Variants in CDH20 observed in about 807,000 individuals in gnomAD.
The protein encoded by CDH20 is cadherin-20.
A neutral mutation model predicts 74.2 loss-of-function variants in CDH20; 29 were observed. That is an observed-to-expected ratio of 0.39 (90% CI 0.29 to 0.53). The LOEUF (loss-of-function observed/expected upper bound fraction) is 0.53. Ranked by LOEUF, CDH20 falls within the 20% of genes least tolerant of loss-of-function variation. The probability of loss-of-function intolerance (pLI) is 0.69; values close to 1 mark genes in which losing one functional copy is unlikely to be tolerated. For missense variants in CDH20, 988 were observed against 1,048.3 expected, an observed-to-expected ratio of 0.94 and a Z score of 0.79; for synonymous variants, 469 against 405.4, an observed-to-expected ratio of 1.16 and a Z score of -1.88.
chr18:61,425,861 A>T (rs952289416), intron 1 of CDH20, among the ~76,000 whole-genome samples: 1 of 152,238 alleles, frequency 6.6e-6, no homozygotes, highest in Non-Finnish European at 1.5e-5. Context: ...TACATTTTTT[A>T]AAAAATAAAT....
rs138855566 is a variant in CDH20, at chr18:61,525,588, C to A, written c.1018-2379C>A. On this transcript the variant is annotated intron_variant, in intron 6 of 11. Transcript: ENST00000262717. ...AGGCAGGCTGGCTGGTGGAGATGGG[C>A]GTCTGGGTTTGAATGGGGCTTCTTG... 6.5e-3 allele frequency among the ~76,000 whole-genome samples: 983 copies of A among 152,120 alleles called. 18 individuals carry two copies. The highest frequency in any genetic ancestry group is 0.022 in the African/African-American group (926 of 41,500).
chr18:61,346,169 A>G (rs1238690103), intron 1 of CDH20, among the ~76,000 whole-genome samples: 1 of 152,234 alleles, frequency 6.6e-6, no homozygotes, highest in Admixed American at 6.5e-5. Flanking sequence ...GAAAAGAAAA[A>G]GAATGACCAC....
At chr18:61,499,138 G>C (rs1911270654) in intron 2 of CDH20, 48 bp from the exon 3 acceptor site, 1 of 1,403,906 alleles carries the variant, frequency 7.1e-7, no homozygotes, top group Non-Finnish European at 9.6e-7. Flanking sequence ...TGTGTTTTCT[G>C]ACACCTGTTG....
intron 6 of CDH20, among the ~76,000 whole-genome samples, chr18:61,526,307 T>C (rs1362148357): frequency 6.6e-6 from 1 of 151,606 alleles, no homozygotes; most frequent in Non-Finnish European, 1.5e-5. Flanking sequence ...TTTTGTATTT[T>C]TAGTAGAGAC....
chr18:61,381,453 A>G (rs1352466458), intron 1 of CDH20, among the ~76,000 whole-genome samples: 1 of 152,192 alleles, frequency 6.6e-6, no homozygotes, highest in African/African-American at 2.4e-5. Flanking sequence ...TTCTTACAAA[A>G]TTCCAAAGTT....
intron 1 of CDH20, among the ~76,000 whole-genome samples, chr18:61,387,644 C>T (rs897825088): frequency 6.6e-6 from 1 of 152,146 alleles, no homozygotes; most frequent in African/African-American, 2.4e-5. Flanking sequence ...GAGCAAACCC[C>T]TTCTTTATTC....
At chr18:61,488,587 T>C (rs1012898564) in intron 1 of CDH20, among the ~76,000 whole-genome samples, 17 of 152,174 alleles carry the variant, frequency 1.1e-4, no homozygotes, top group African/African-American at 3.9e-4. Context: ...GTAATGAAGA[T>C]AGAACCAGTA....
intron 1 of CDH20, among the ~76,000 whole-genome samples, chr18:61,375,144 TG>T (rs1911177027): frequency 6.6e-6 from 1 of 152,214 alleles, no homozygotes; most frequent in Non-Finnish European, 1.5e-5. Context: ...GCTCTTCATC[TG>T]GGGTTCCGTC....
At chr18:61,516,890 A>G (rs1912020851) in intron 6 of CDH20, among the ~76,000 whole-genome samples, 1 of 152,160 alleles carries the variant, frequency 6.6e-6, no homozygotes, top group African/African-American at 2.4e-5. Flanking sequence ...AGTTTAGACA[A>G]TTGAGGGCAA....
intron 4 of CDH20, among the ~76,000 whole-genome samples, 167 bp downstream of exon 4, chr18:61,500,669 A>G (rs1454110690): frequency 1.3e-5 from 2 of 152,202 alleles, no homozygotes; most frequent in African/African-American, 4.8e-5. Context: ...CTGCCCTGAC[A>G]GGTAAGAGCA....
intron 1 of CDH20, among the ~76,000 whole-genome samples, chr18:61,428,115 A>C (rs950390857): frequency 5.3e-5 from 8 of 152,210 alleles, no homozygotes; most frequent in Admixed American, 1.3e-4. Context: ...AAAAGAAGAG[A>C]CACTCTTTTC....
At position 61,507,565 on chromosome 18, in the gene CDH20, TC is replaced by T. The variant is rs151199256; in HGVS notation, c.1017+7del. ...GGTATCATAACTGTGAAGAAGGTAA[TC>T]CAACTCCTTTTTCTAAACCACTTTC... On this transcript the variant is annotated splice_donor_region_variant and intron_variant, in intron 6 of 11. Transcript: ENST00000262717. The T allele has an allele frequency of 8.9e-4, 1,415 of 1,595,070 alleles. 12 individuals carry two copies. In the African/African-American group the frequency reaches 0.017, roughly 19 times the overall value.
At chr18:61,346,865 G>A (rs558053783) in intron 1 of CDH20, among the ~76,000 whole-genome samples, 36 of 152,110 alleles carry the variant, frequency 2.4e-4, no homozygotes, top group Admixed American at 2.6e-4. Flanking sequence ...AAGTCCAGGC[G>A]CCCAAGCTTG....
At chr18:61,483,761 T>A (rs1910667845) in intron 1 of CDH20, among the ~76,000 whole-genome samples, 1 of 152,190 alleles carries the variant, frequency 6.6e-6, no homozygotes, top group Admixed American at 6.5e-5. Context: ...TCATATATAC[T>A]TTTTTCTCAC....
chr18:61,417,571 T>C (rs1459661219), intron 1 of CDH20, among the ~76,000 whole-genome samples: 6 of 36,848 alleles, frequency 1.6e-4, no homozygotes, highest in Non-Finnish European at 3.0e-4. Context: ...TACTCAGATG[T>C]GGGAGCTAAA....
Position 61,333,796 on chromosome 18 carries a change from G to C in CDH20, c.-184G>C, listed in dbSNP as rs1325820535. Reference sequence around the variant, plus strand: ...CGCCCGCCCTGGAGCAGTTAGGACCGAAGGTCTCCGGAGAGTCGCCGGCGG... The same window carrying C: ...CGCCCGCCCTGGAGCAGTTAGGACCCAAGGTCTCCGGAGAGTCGCCGGCGG... On this transcript the variant is annotated 5_prime_UTR_variant, in exon 1 of 12. Coordinates refer to ENST00000262717, the MANE Select transcript of CDH20 (RefSeq NM_031891.4). The C allele has an allele frequency of 6.6e-6, 1 of 152,462 alleles. No individual in the cohort carries two copies. The highest frequency in any genetic ancestry group is 1.5e-5 in the Non-Finnish European group (1 of 68,282). 9.4% of individuals were successfully genotyped at this position (152,462 alleles called of 1,614,324 possible). A position where few individuals can be genotyped will look rare whatever the true frequency, so the allele number is the denominator to read the frequency against.
rs567616836 is a variant in CDH20, at chr18:61,402,154, C to T, written c.-153+68327C>T. Among the ~76,000 whole-genome samples the T allele has an allele frequency of 1.2e-4, 19 of 152,240 alleles. No individual in the cohort carries two copies. In the South Asian group the frequency reaches 2.5e-3, roughly 20 times the overall value. On this transcript the variant is annotated intron_variant, in intron 1 of 11. Transcript: ENST00000262717. ...ACCTAGAAACAGATAAATCAGAAGG[C>T]GCAGCTGGATCTGACCCCCAGGTTC...
chr18:61,554,986 G>A lies in CDH20; in HGVS notation c.*291G>A. 2 of 1,239,968 alleles carry A rather than the reference G, an allele frequency of 1.6e-6. No individual in the cohort carries two copies. The highest frequency in any genetic ancestry group is 6.4e-5 in the South Asian group (2 of 31,310). The allele number at this position is 1,239,968 out of a possible 1,614,324, so 76.8% of individuals were successfully genotyped here. A position where few individuals can be genotyped will look rare whatever the true frequency, so the allele number is the denominator to read the frequency against. Reference sequence around the variant, plus strand: ...GAGTCCAAGGTGTTCTGACAAGGGTGGCTTTTCTCTGCCATTCGCTAAGGC... The same window carrying A: ...GAGTCCAAGGTGTTCTGACAAGGGTAGCTTTTCTCTGCCATTCGCTAAGGC... On this transcript the variant is annotated 3_prime_UTR_variant, in exon 12 of 12. Transcript: ENST00000262717.
Position 61,450,024 on chromosome 18 carries a change from C to T in CDH20, c.-152-40378C>T, listed in dbSNP as rs529245681. Among the ~76,000 whole-genome samples, 9 of 152,046 alleles carry T rather than the reference C, an allele frequency of 5.9e-5. No homozygotes were observed. In the South Asian group the frequency reaches 6.2e-4, roughly 11 times the overall value. ...TACTAGGTATCAATATTTTAGTAAA[C>T]GCAATCCCCGCAACAAATCTTTGAG... On this transcript the variant is annotated intron_variant, in intron 1 of 11. Coordinates refer to ENST00000262717, the MANE Select transcript of CDH20 (RefSeq NM_031891.4).
Sources: allele counts gnomAD v4.1 joint callset (sites outside exome capture counted in the v4.1 genomes callset), GRCh38; gene constraint gnomAD v4.1.1; transcripts MANE v1.5; gene names NCBI Gene and HGNC (gene_info 2026-07-23, HGNC 2026-07-21).